The following CRIM1 variants were observed in gnomAD, a reference collection of about 807,000 sequenced individuals.
The protein encoded by CRIM1 is cysteine-rich motor neuron 1 protein.
CRIM1 carries 32 observed loss-of-function variants against 116.4 expected under a neutral mutation model. The observed-to-expected ratio is 0.27, with a 90% confidence interval of 0.21 to 0.37. The LOEUF is 0.37. Ranked by LOEUF, CRIM1 falls within the 10% of genes least tolerant of loss-of-function variation. The probability of loss-of-function intolerance (pLI) is 1.00; values close to 1 mark genes in which losing one functional copy is unlikely to be tolerated. For synonymous variants in CRIM1, 590 were observed against 509.2 expected (o/e 1.16, Z -2.13); for missense variants, 1,331 against 1,354.8 (o/e 0.98, Z 0.28).
chr2:36,547,234 A>G, intron 16 of CRIM1, 63 bp downstream of exon 16: 1 of 1,338,220 alleles, frequency 7.5e-7, no homozygotes, highest in Non-Finnish European at 1.1e-6. Context: ...ACTCATATTG[A>G]AATTGCTTGA....
At chr2:36,443,112 G>T (rs1675987232) in intron 4 of CRIM1, among the ~76,000 whole-genome samples, 1 of 152,114 alleles carries the variant, frequency 6.6e-6, no homozygotes, top group South Asian at 2.1e-4. Context: ...TAAACAACAT[G>T]TTCAATGTGA....
intron 1 of CRIM1, among the ~76,000 whole-genome samples, chr2:36,382,437 G>C (rs1313456704): frequency 1.3e-5 from 2 of 152,254 alleles, no homozygotes; most frequent in Admixed American, 1.3e-4. Flanking sequence ...GGGTAGTCTT[G>C]AATGATAATT....
chr2:36,540,190 G>C (rs1006602052), intron 14 of CRIM1, among the ~76,000 whole-genome samples: 2 of 152,174 alleles, frequency 1.3e-5, no homozygotes, highest in African/African-American at 4.8e-5. Flanking sequence ...CGTAAGATGC[G>C]ATGTGGGAAC....
chr2:36,393,492 T>G (rs537423366), intron 1 of CRIM1, among the ~76,000 whole-genome samples: 166 of 152,220 alleles, frequency 1.1e-3, no homozygotes, highest in African/African-American at 3.8e-3. Context: ...TATACACATA[T>G]ATGTATAATA....
At chr2:36,510,247 G>A in intron 9 of CRIM1, 108 bp downstream of exon 9, 1 of 1,027,188 alleles carries the variant, frequency 9.7e-7, no homozygotes, top group Non-Finnish European at 1.4e-6. Flanking sequence ...GGTATATTGA[G>A]CCCAGAATGT....
chr2:36,473,273 A>G (rs575651358), intron 5 of CRIM1, among the ~76,000 whole-genome samples: 54 of 152,304 alleles, frequency 3.5e-4, no homozygotes, highest in African/African-American at 1.2e-3. Flanking sequence ...AAAGATGGGG[A>G]TATCATCATC....
chr2:36,513,084 T>C (rs1262464998), intron 10 of CRIM1, among the ~76,000 whole-genome samples: 2 of 152,234 alleles, frequency 1.3e-5, no homozygotes, highest in Admixed American at 1.3e-4. Flanking sequence ...AACTGGACAG[T>C]TACCACCTTA....
rs1158066369 is a variant in CRIM1, at chr2:36,517,558, C to A, written c.2206+16C>A. ...CAGTGTACAGGTAAGCGACACCATG[C>A]CTTGTGGGTGCTTGGTGGGGAAGGA... is the stretch of plus-strand genomic sequence containing the variant. On this transcript the variant is annotated intron_variant, in intron 12 of 16. Coordinates refer to ENST00000280527, the MANE Select transcript of CRIM1 (RefSeq NM_016441.3). 6.3e-7 allele frequency: 1 copy of A among 1,599,996 alleles called. No individual in the cohort carries two copies. Among genetic ancestry groups the A allele is most frequent in the Non-Finnish European group, 8.6e-7 (1 of 1,169,412 alleles).
At position 36,411,990 on chromosome 2, in the gene CRIM1, G is replaced by A. The variant is rs1260402838; in HGVS notation, c.505+15203G>A. Among the ~76,000 whole-genome samples the A allele has an allele frequency of 2.6e-5, 4 of 152,188 alleles. No homozygotes were observed. In the East Asian group the frequency reaches 5.8e-4, roughly 22 times the overall value. ...TGCAATTAAATTGTGTTGTCTATCT[G>A]CTTCCCGCACACTAGTGAAGCTGAC... is the stretch of plus-strand genomic sequence containing the variant. On this transcript the variant is annotated intron_variant, in intron 2 of 16. Coordinates refer to ENST00000280527, the MANE Select transcript of CRIM1 (RefSeq NM_016441.3).
At chr2:36,500,978 G>A (rs1395458741) in intron 8 of CRIM1, among the ~76,000 whole-genome samples, 1 of 152,170 alleles carries the variant, frequency 6.6e-6, no homozygotes, top group Non-Finnish European at 1.5e-5. Flanking sequence ...CTGGCTCCTG[G>A]TAGTCAGTGC....
chr2:36,373,796 T>TA (rs1421953067), intron 1 of CRIM1, among the ~76,000 whole-genome samples: 1 of 152,172 alleles, frequency 6.6e-6, no homozygotes, highest in Admixed American at 6.5e-5. Context: ...GTGTACAACA[T>TA]ACACCCATGC....
chr2:36,526,872 G>C (rs2125140819), intron 13 of CRIM1, among the ~76,000 whole-genome samples: 1 of 152,280 alleles, frequency 6.6e-6, no homozygotes, highest in East Asian at 1.9e-4. Flanking sequence ...GTTGACTTTG[G>C]AAGTCAAGAT....
chr2:36,526,181 AT>A (rs148118630), intron 13 of CRIM1, among the ~76,000 whole-genome samples: 8,592 of 151,704 alleles, frequency 0.057, 483 homozygotes, highest in African/African-American at 0.15. Context: ...TGATTCCCTA[AT>A]TTTTTTTTGT....
intron 2 of CRIM1, among the ~76,000 whole-genome samples, chr2:36,419,296 G>A (rs1039695863): frequency 2.6e-5 from 4 of 152,198 alleles, no homozygotes; most frequent in Non-Finnish European, 4.4e-5. Flanking sequence ...AGTTTCAGTA[G>A]TAGCTTTGTC....
At chr2:36,365,453 A>C (rs1669525893) in intron 1 of CRIM1, among the ~76,000 whole-genome samples, 1 of 152,198 alleles carries the variant, frequency 6.6e-6, no homozygotes, top group Non-Finnish European at 1.5e-5. Flanking sequence ...CGGCAAGCCT[A>C]GCCGATTCAG....
At chr2:36,536,779 T>C (rs1302558244) in intron 13 of CRIM1, among the ~76,000 whole-genome samples, 2 of 150,930 alleles carry the variant, frequency 1.3e-5, no homozygotes, top group East Asian at 2.0e-4. Flanking sequence ...TAGCTCTTTT[T>C]TTCTCAAAAA....
In CRIM1 at chr2:36,457,570, CAG is replaced by C. The variant is rs113387324; in HGVS notation, c.870-6963_870-6962del. ...AAATCACGCAGGAATAAGCTTGAGA[CAG>C]GGGAGAAAGGGTGAAGGAGGGTTAG... On this transcript the variant is annotated intron_variant, in intron 4 of 16. Coordinates refer to ENST00000280527, the MANE Select transcript of CRIM1 (RefSeq NM_016441.3). 8.4e-4 allele frequency among the ~76,000 whole-genome samples: 127 copies of C among 152,000 alleles called. 2 individuals carry two copies. In the East Asian group the frequency reaches 0.012, roughly 15 times the overall value.
At chr2:36,502,338 C>T (rs939399460) in intron 8 of CRIM1, among the ~76,000 whole-genome samples, 1 of 152,178 alleles carries the variant, frequency 6.6e-6, no homozygotes, top group Non-Finnish European at 1.5e-5. Context: ...TGCATATTTA[C>T]CCTATCTTTA....
At chr2:36,392,276 CTT>C (rs1271814500) in intron 1 of CRIM1, among the ~76,000 whole-genome samples, 1 of 152,122 alleles carries the variant, frequency 6.6e-6, no homozygotes, top group Non-Finnish European at 1.5e-5. Context: ...GAGAAAGTAA[CTT>C]ATGTAATATC....
Sources: allele counts gnomAD v4.1 joint callset (sites outside exome capture counted in the v4.1 genomes callset), GRCh38; gene constraint gnomAD v4.1.1; transcripts MANE v1.5; gene names NCBI Gene and HGNC (gene_info 2026-07-23, HGNC 2026-07-21).